Variants in GPC3 observed in about 807,000 individuals in gnomAD.
GPC3 encodes glypican-3.
A neutral mutation model predicts 34.4 loss-of-function variants in GPC3; 3 were observed. The observed-to-expected ratio is 0.09, with a 90% confidence interval of 0.04 to 0.23. GPC3 has a LOEUF of 0.23. GPC3 is among the 10% of genes least tolerant of loss of function. GPC3 has a pLI of 1.00. For synonymous variants in GPC3, 177 were observed against 174.0 expected, an observed-to-expected ratio of 1.02 and a Z score of -0.13; for missense variants, 351 against 445.6, an observed-to-expected ratio of 0.79 and a Z score of 1.91.
chrX:133,975,283 C>G (rs1310444148), intron 1 of GPC3, among the ~76,000 whole-genome samples: 1 of 112,522 alleles, frequency 8.9e-6, no homozygotes, highest in African/African-American at 3.2e-5. Context: ...AACCCAAACT[C>G]CTCAGCATTT....
At chrX:133,912,883 T>C (rs372966795) in intron 2 of GPC3, among the ~76,000 whole-genome samples, 1 of 110,719 alleles carries the variant, frequency 9.0e-6, no homozygotes, top group East Asian at 2.8e-4. Flanking sequence ...TAATTACTAT[T>C]AGGCAGTAAG....
intron 3 of GPC3, chrX:133,704,270 T>C: frequency 9.3e-7 from 1 of 1,076,433 alleles, no homozygotes; most frequent in Non-Finnish European, 1.2e-6. Flanking sequence ...TTCTTCTCAG[T>C]TTCCTTGAAA....
chrX:133,704,599 T>A (rs1357544045), intron 3 of GPC3, among the ~76,000 whole-genome samples: 1 of 109,593 alleles, frequency 9.1e-6, no homozygotes, highest in East Asian at 2.9e-4. Context: ...TTTCTTCAGA[T>A]TTTTCTCTGT....
chrX:133,592,501 G>A (rs911462446), intron 7 of GPC3, among the ~76,000 whole-genome samples: 1 of 109,752 alleles, frequency 9.1e-6, no homozygotes, highest in Non-Finnish European at 1.9e-5. Context: ...CATAATAAGT[G>A]TCCAATGAAC....
chrX:133,882,535 TTGTG>T (rs3831709), intron 2 of GPC3, among the ~76,000 whole-genome samples: 8 of 105,767 alleles, frequency 7.6e-5, no homozygotes, highest in Non-Finnish European at 1.4e-4. Context: ...TTTCTACAGT[TTGTG>T]TGTGTGTGTG....
chrX:133,854,292 T>G (rs2075889833), intron 2 of GPC3, among the ~76,000 whole-genome samples: 1 of 112,248 alleles, frequency 8.9e-6, no homozygotes, highest in South Asian at 3.7e-4. Context: ...GTTTTAAATT[T>G]TGACTCCAGG....
intron 2 of GPC3, among the ~76,000 whole-genome samples, chrX:133,813,381 G>A (rs112800186): frequency 8.0e-5 from 9 of 112,546 alleles, no homozygotes; most frequent in African/African-American, 2.9e-4. Flanking sequence ...AACACTGGCT[G>A]TAGCAAAGAT....
chrX:133,903,443 G>A (rs2076154217), intron 2 of GPC3, among the ~76,000 whole-genome samples: 1 of 110,131 alleles, frequency 9.1e-6, no homozygotes, highest in East Asian at 2.9e-4. Flanking sequence ...GCAAAAATTA[G>A]CCAGGCGCAG....
intron 5 of GPC3, among the ~76,000 whole-genome samples, chrX:133,678,668 A>G (rs778081559): frequency 3.6e-5 from 4 of 112,017 alleles, no homozygotes; most frequent in East Asian, 2.8e-4. Context: ...ATAACCAGAG[A>G]GCAGGGCACT....
intron 2 of GPC3, among the ~76,000 whole-genome samples, chrX:133,910,965 CT>C (rs755776007): frequency 1.1e-3 from 120 of 111,802 alleles, no homozygotes; most frequent in African/African-American, 3.8e-3. Context: ...CCAAGCGACC[CT>C]GTGTTCAACC....
chrX:133,787,360 TG>T (rs1187039828), intron 2 of GPC3, among the ~76,000 whole-genome samples: 1 of 112,634 alleles, frequency 8.9e-6, no homozygotes, highest in African/African-American at 3.2e-5. Flanking sequence ...TAGGTTCTGG[TG>T]GGCCTATGCC....
In GPC3 at chrX:133,855,893, T is replaced by C. The variant is rs1360399308; in HGVS notation, c.337+97157A>G. 4.5e-5 allele frequency among the ~76,000 whole-genome samples: 5 copies of C among 111,643 alleles called. No individual in the cohort carries two copies. The Admixed American group carries it at 4.8e-4, about 11-fold the overall frequency. ...AAATATTTGGCTTTCTGTGCCTGGC[T>C]TATTGCACTCCGTGTAATGTCCTCC... On this transcript the variant is annotated intron_variant, in intron 2 of 7. Coordinates refer to ENST00000370818, the MANE Select transcript of GPC3 (RefSeq NM_004484.4).
At chrX:133,976,853 G>A (rs2076517798) in intron 1 of GPC3, among the ~76,000 whole-genome samples, 1 of 109,615 alleles carries the variant, frequency 9.1e-6, no homozygotes, top group Non-Finnish European at 1.9e-5. Flanking sequence ...GGGAAGCAGA[G>A]GTTGCACTGA....
intron 3 of GPC3, among the ~76,000 whole-genome samples, chrX:133,747,137 CA>C (rs1456122462): frequency 3.6e-5 from 4 of 111,663 alleles, no homozygotes; most frequent in Non-Finnish European, 7.5e-5. Context: ...TATTAAATAC[CA>C]AGGACACTCC....
chrX:133,557,008 A>T (rs1747491894), intron 7 of GPC3, among the ~76,000 whole-genome samples: 1 of 111,333 alleles, frequency 9.0e-6, no homozygotes, highest in Non-Finnish European at 1.9e-5. Context: ...GTATTCATTT[A>T]AGGGGCCGGG....
chrX:133,605,090 A>G (rs2070032195), intron 6 of GPC3, among the ~76,000 whole-genome samples: 1 of 110,808 alleles, frequency 9.0e-6, no homozygotes. Flanking sequence ...ATTGGAAACA[A>G]TTGCAACTCC....
At chrX:133,676,130 G>A (rs1185162691) in intron 5 of GPC3, among the ~76,000 whole-genome samples, 2 of 112,081 alleles carry the variant, frequency 1.8e-5, no homozygotes, top group Admixed American at 1.9e-4. Flanking sequence ...TGGTGCAGGG[G>A]GGCTGCCGTG....
chrX:133,886,445 A>C (rs1387575294), intron 2 of GPC3, among the ~76,000 whole-genome samples: 1 of 112,036 alleles, frequency 8.9e-6, no homozygotes, highest in Non-Finnish European at 1.9e-5. Context: ...ATATTGACAA[A>C]TTATAATTGC....
intron 2 of GPC3, among the ~76,000 whole-genome samples, chrX:133,897,905 C>T (rs913287224): frequency 6.3e-5 from 7 of 111,799 alleles, no homozygotes; most frequent in African/African-American, 2.3e-4. Flanking sequence ...GGAGGATGAA[C>T]ATTCCCTCCC....
Sources: gnomAD v4.1 joint callset for allele counts (sites outside exome capture counted in the v4.1 genomes callset) on GRCh38, gnomAD v4.1.1 for gene constraint, MANE v1.5 for transcripts, NCBI Gene and HGNC (gene_info 2026-07-23, HGNC 2026-07-21) for gene names.